The following CDIN1 variants were observed in gnomAD, a reference collection of about 807,000 sequenced individuals.
CDIN1 encodes the protein CDAN1 interacting nuclease 1.
Under a neutral mutation model 45.3 loss-of-function variants are expected in CDIN1, and 33 were observed. The observed-to-expected ratio is 0.73, with a 90% confidence interval of 0.55 to 0.97. The LOEUF is 0.97. Among genes scored for constraint, CDIN1 ranks in the 50% least tolerant of loss-of-function variants. CDIN1 has a pLI of 0.00. For missense variants in CDIN1, 303 were observed against 339.4 expected (o/e 0.89, Z 0.84); for synonymous variants, 118 against 124.4 (o/e 0.95, Z 0.34).
At chr15:36,774,117 G>A (rs1266595308) in intron 10 of CDIN1, among the ~76,000 whole-genome samples, 1 of 149,782 alleles carries the variant, frequency 6.7e-6, no homozygotes, top group African/African-American at 2.5e-5. Flanking sequence ...GCACCTGCCG[G>A]CAAGTAACTG....
At chr15:36,783,827 G>GT (rs1349347512) in intron 10 of CDIN1, among the ~76,000 whole-genome samples, 1 of 152,284 alleles carries the variant, frequency 6.6e-6, no homozygotes, top group African/African-American at 2.4e-5. Flanking sequence ...ACAGACACCT[G>GT]TAAGAGACAT....
intron 10 of CDIN1, among the ~76,000 whole-genome samples, chr15:36,756,967 G>T (rs894420372): frequency 6.6e-6 from 1 of 152,158 alleles, no homozygotes; most frequent in Non-Finnish European, 1.5e-5. Flanking sequence ...CCCCCATGGC[G>T]CTCTGACAGG....
intron 1 of CDIN1, among the ~76,000 whole-genome samples, chr15:36,638,949 T>A (rs182726624): frequency 6.6e-6 from 1 of 152,314 alleles, no homozygotes; most frequent in Non-Finnish European, 1.5e-5. Flanking sequence ...GCTCTGGAAT[T>A]GGATATAAAT....
chr15:36,796,570 G>A (rs997829004), intron 10 of CDIN1, among the ~76,000 whole-genome samples: 2 of 152,168 alleles, frequency 1.3e-5, no homozygotes, highest in African/African-American at 4.8e-5. Context: ...TCCCAGACCT[G>A]TCTAGCACTG....
chr15:36,643,038 A>T (rs981650650), intron 1 of CDIN1, among the ~76,000 whole-genome samples: 1 of 152,186 alleles, frequency 6.6e-6, no homozygotes, highest in Non-Finnish European at 1.5e-5. Context: ...TTTTATATAA[A>T]ATTGGCTCTT....
chr15:36,671,139 C>G (rs1298818242), intron 5 of CDIN1, among the ~76,000 whole-genome samples: 1 of 152,048 alleles, frequency 6.6e-6, no homozygotes, highest in Non-Finnish European at 1.5e-5. Context: ...TGGCCTTATT[C>G]TGAGGTATTT....
chr15:36,699,405 A>G (rs943093131), intron 8 of CDIN1, among the ~76,000 whole-genome samples: 3 of 152,190 alleles, frequency 2.0e-5, no homozygotes, highest in African/African-American at 7.2e-5. Flanking sequence ...ATATTGGTAA[A>G]TAAACAGACC....
chr15:36,609,528 G>T (rs2038547284), intron 1 of CDIN1, among the ~76,000 whole-genome samples: 2 of 152,200 alleles, frequency 1.3e-5, no homozygotes, highest in South Asian at 2.1e-4. Flanking sequence ...TTAAAGGGGG[G>T]ACCGAGACAG....
chr15:36,675,949 C>CT (rs900043260), intron 5 of CDIN1, among the ~76,000 whole-genome samples: 18 of 151,484 alleles, frequency 1.2e-4, no homozygotes, highest in African/African-American at 2.9e-4. Context: ...AGAATTTTGA[C>CT]TTTTTTTTTG....
At chr15:36,628,755 A>G (rs1241183339) in intron 1 of CDIN1, among the ~76,000 whole-genome samples, 1 of 152,144 alleles carries the variant, frequency 6.6e-6, no homozygotes, top group Non-Finnish European at 1.5e-5. Context: ...TCCCTTAAAG[A>G]TATTAGGTCC....
intron 10 of CDIN1, among the ~76,000 whole-genome samples, chr15:36,771,067 CAG>C (rs1404502238): frequency 1.3e-5 from 2 of 152,096 alleles, no homozygotes; most frequent in Non-Finnish European, 2.9e-5. Flanking sequence ...AGGAGTGCCT[CAG>C]GGGAGGAAGA....
chr15:36,604,670 T>G (rs1048920613), intron 1 of CDIN1, among the ~76,000 whole-genome samples: 1 of 152,116 alleles, frequency 6.6e-6, no homozygotes, highest in African/African-American at 2.4e-5. Flanking sequence ...GTAAAACTCC[T>G]TTAAAAAAAG....
rs1194125448 is a variant in CDIN1, at chr15:36,809,426, T to C, written c.*973T>C. On this transcript the variant is annotated 3_prime_UTR_variant, in exon 11 of 11. Coordinates refer to ENST00000566621, the MANE Select transcript of CDIN1 (RefSeq NM_001321759.2). ...AATGTTTAGCTTTGTATGAACTGAG[T>C]GTGCCAGAAATAAACCTGGAGCAAT... is the stretch of plus-strand genomic sequence containing the variant. 1 of 152,306 alleles carries C rather than the reference T, an allele frequency of 6.6e-6. No homozygotes were observed. The highest frequency in any genetic ancestry group is 1.9e-4 in the East Asian group (1 of 5,204). 9.4% of individuals were successfully genotyped at this position (152,306 alleles called of 1,614,324 possible). A position where few individuals can be genotyped will look rare whatever the true frequency, so the allele number is the denominator to read the frequency against.
In CDIN1 at chr15:36,780,019, G is replaced by C. The variant is rs576211783; in HGVS notation, c.717-28305G>C. Among the ~76,000 whole-genome samples, 3 of 152,226 alleles carry C rather than the reference G, an allele frequency of 2.0e-5. No individual in the cohort carries two copies. The East Asian group carries it at 5.8e-4, about 29-fold the overall frequency. On this transcript the variant is annotated intron_variant, in intron 10 of 10. Transcript: ENST00000566621. ...AAATGAGTTTTCTCTCTTCAATCTAGAACTCCCATAGTCATTTACGTTTAG... is the reference window on the plus strand; with the variant it reads ...AAATGAGTTTTCTCTCTTCAATCTACAACTCCCATAGTCATTTACGTTTAG...
At position 36,612,906 on chromosome 15, in the gene CDIN1, A is replaced by G. The variant is rs567749572; in HGVS notation, c.102-31372A>G. ...TTTCCATCAATCTCAGTATTTGTCG[A>G]TATCTCTTAAAAAGGTAACAGTTGG... On this transcript the variant is annotated intron_variant, in intron 1 of 10. Coordinates refer to ENST00000566621, the MANE Select transcript of CDIN1 (RefSeq NM_001321759.2). 3.3e-3 allele frequency among the ~76,000 whole-genome samples: 497 copies of G among 152,342 alleles called. 2 individuals are homozygous for G. The highest frequency in any genetic ancestry group is 5.0e-3 in the Admixed American group (76 of 15,302).
At chr15:36,800,025 T>C (rs1040438223) in intron 10 of CDIN1, among the ~76,000 whole-genome samples, 24 of 152,188 alleles carry the variant, frequency 1.6e-4, no homozygotes, top group African/African-American at 5.3e-4. Flanking sequence ...TGTGAAAATA[T>C]CAAGGTATAT....
chr15:36,658,080 G>A (rs1399927257), intron 5 of CDIN1, among the ~76,000 whole-genome samples, 175 bp downstream of exon 5: 1 of 152,094 alleles, frequency 6.6e-6, no homozygotes, highest in Non-Finnish European at 1.5e-5. Flanking sequence ...ATACTCTTCA[G>A]AATAATGCTC....
chr15:36,767,418 C>G (rs970616094), intron 10 of CDIN1, among the ~76,000 whole-genome samples: 3 of 152,160 alleles, frequency 2.0e-5, no homozygotes, highest in Admixed American at 1.3e-4. Context: ...TAGCCCCATC[C>G]CCTTTTATGG....
intron 3 of CDIN1, among the ~76,000 whole-genome samples, chr15:36,650,507 A>G (rs1037646800): frequency 1.3e-5 from 2 of 151,582 alleles, no homozygotes; most frequent in Admixed American, 6.6e-5. Context: ...CAGTGGTGCA[A>G]TCTTGGCTCA....
Sources: gnomAD v4.1 joint callset for allele counts (sites outside exome capture counted in the v4.1 genomes callset) on GRCh38, gnomAD v4.1.1 for gene constraint, MANE v1.5 for transcripts, NCBI Gene and HGNC (gene_info 2026-07-23, HGNC 2026-07-21) for gene names.